The following PTPRD variants were observed in gnomAD, a reference collection of about 807,000 sequenced individuals.
PTPRD encodes the protein receptor-type tyrosine-protein phosphatase delta.
A neutral mutation model predicts 214.5 loss-of-function variants in PTPRD; 34 were observed. The ratio of observed to expected loss-of-function variants is 0.16; its 90% confidence interval spans 0.12 to 0.21. The LOEUF is 0.21. Among genes scored for constraint, PTPRD ranks in the 10% least tolerant of loss-of-function variants. The pLI is 1.00. For missense variants in PTPRD, 2,545 were observed against 2,398.7 expected (o/e 1.06, Z -1.27); for synonymous variants, 1,128 against 845.7 (o/e 1.33, Z -5.79).
intron 8 of PTPRD, among the ~76,000 whole-genome samples, chr9:9,545,400 A>G (rs934359337): frequency 4.6e-5 from 7 of 151,962 alleles, no homozygotes; most frequent in Middle Eastern, 3.4e-3. Context: ...GAATCATACA[A>G]TATGTAGCCT....
At chr9:10,484,998 AGATTT>A (rs1199955174) in intron 2 of PTPRD, among the ~76,000 whole-genome samples, 2 of 151,488 alleles carry the variant, frequency 1.3e-5, no homozygotes, top group Non-Finnish European at 2.9e-5. Flanking sequence ...TTACGGTCTT[AGATTT>A]AAGTGTTTAA....
chr9:9,413,881 G>T (rs557554538), intron 8 of PTPRD, among the ~76,000 whole-genome samples: 1 of 152,160 alleles, frequency 6.6e-6, no homozygotes, highest in Non-Finnish European at 1.5e-5. Flanking sequence ...CAGTGAGTTT[G>T]CCCTTTACAT....
intron 3 of PTPRD, among the ~76,000 whole-genome samples, chr9:10,045,396 G>A (rs2097369921): frequency 6.6e-6 from 1 of 151,550 alleles, no homozygotes; most frequent in Non-Finnish European, 1.5e-5. Flanking sequence ...TGTATAAAGT[G>A]GCTACCGTAT....
intron 2 of PTPRD, among the ~76,000 whole-genome samples, chr9:10,350,585 G>A (rs1472627829): frequency 6.6e-6 from 1 of 152,040 alleles, no homozygotes; most frequent in Non-Finnish European, 1.5e-5. Context: ...TTTTACAGAT[G>A]ATGAAACAGA....
At chr9:8,947,014 A>ATTTTT (rs143478859) in intron 11 of PTPRD, among the ~76,000 whole-genome samples, 3 of 106,930 alleles carry the variant, frequency 2.8e-5, no homozygotes, top group African/African-American at 3.7e-5. Flanking sequence ...GTCTCTCTGT[A>ATTTTT]TTTTTTTTTC....
rs1019238008 is a variant in PTPRD at position 10,141,084 on chromosome 9, T to C, written c.-544-107294A>G. On this transcript the variant is annotated intron_variant, in intron 3 of 45. Transcript: ENST00000381196. ...CTAAAAATTCTCAATAAATTAGGTATTGATGGGACGTATCTCAAAATAATA... is the reference window on the plus strand; with the variant it reads ...CTAAAAATTCTCAATAAATTAGGTACTGATGGGACGTATCTCAAAATAATA... Among the ~76,000 whole-genome samples, 415 of 152,226 alleles carry C rather than the reference T, an allele frequency of 2.7e-3. 1 individual carries two copies. Among genetic ancestry groups the C allele is most frequent in the African/African-American group, 9.3e-3 (385 of 41,550 alleles).
At chr9:9,715,671 C>T (rs879699030) in intron 7 of PTPRD, among the ~76,000 whole-genome samples, 11 of 152,022 alleles carry the variant, frequency 7.2e-5, no homozygotes, top group Non-Finnish European at 1.3e-4. Flanking sequence ...AATAATACAT[C>T]GCAGTATTAA....
At chr9:9,220,007 G>T (rs1341659231) in intron 9 of PTPRD, among the ~76,000 whole-genome samples, 4 of 152,072 alleles carry the variant, frequency 2.6e-5, no homozygotes, top group African/African-American at 9.7e-5. Flanking sequence ...GAAATAAACG[G>T]TATCATAAAA....
At chr9:9,565,837 C>T (rs1300454672) in intron 8 of PTPRD, among the ~76,000 whole-genome samples, 1 of 151,834 alleles carries the variant, frequency 6.6e-6, no homozygotes, top group East Asian at 1.9e-4. Context: ...TTAGAGCTGT[C>T]AAGGATGGAA....
At chr9:8,885,541 G>C (rs1356401976) in intron 11 of PTPRD, among the ~76,000 whole-genome samples, 2 of 141,424 alleles carry the variant, frequency 1.4e-5, no homozygotes, top group African/African-American at 2.6e-5. Flanking sequence ...TTGTCACCCA[G>C]GCTGGAGTGC....
chr9:9,495,765 T>C (rs1203464804), intron 8 of PTPRD, among the ~76,000 whole-genome samples: 3 of 152,288 alleles, frequency 2.0e-5, no homozygotes, highest in South Asian at 2.1e-4. Flanking sequence ...TCAGGACCCA[T>C]TGAGTGCAGG....
chr9:9,601,473 G>C lies in PTPRD; in HGVS notation c.-286-26692C>G, dbSNP rs541252846. Reference sequence around the variant, plus strand: ...TAAACATATAAACAATACATGATTAGAGCCAGATCATAGATAGAGTCACTG... The same window carrying C: ...TAAACATATAAACAATACATGATTACAGCCAGATCATAGATAGAGTCACTG... On this transcript the variant is annotated intron_variant, in intron 7 of 45. Transcript: ENST00000381196. Among the ~76,000 whole-genome samples, 135 of 152,112 alleles carry C rather than the reference G, an allele frequency of 8.9e-4. 1 individual carries two copies. The highest frequency in any genetic ancestry group is 1.2e-3 in the Non-Finnish European group (80 of 67,982).
At chr9:9,149,008 G>C (rs1173222512) in intron 10 of PTPRD, among the ~76,000 whole-genome samples, 3 of 152,192 alleles carry the variant, frequency 2.0e-5, no homozygotes, top group Non-Finnish European at 4.4e-5. Context: ...TTTCCAAAGA[G>C]CATTGTAAAC....
chr9:9,593,360 T>C (rs978754945), intron 7 of PTPRD, among the ~76,000 whole-genome samples: 1 of 151,854 alleles, frequency 6.6e-6, no homozygotes, highest in African/African-American at 2.4e-5. Flanking sequence ...AATATTTGTA[T>C]GTACATGTGT....
chr9:8,984,038 G>A (rs560868875), intron 11 of PTPRD, among the ~76,000 whole-genome samples: 6 of 151,956 alleles, frequency 3.9e-5, no homozygotes, highest in South Asian at 2.1e-4. Flanking sequence ...ATACTATAAC[G>A]TATATTTAGT....
chr9:10,179,179 G>T (rs1377318357), intron 3 of PTPRD, among the ~76,000 whole-genome samples: 5 of 151,982 alleles, frequency 3.3e-5, no homozygotes, highest in Non-Finnish European at 7.4e-5. Flanking sequence ...AGTGGATGCA[G>T]CAAGACACTA....
intron 39 of PTPRD, among the ~76,000 whole-genome samples, chr9:8,361,709 G>A (rs1386585947): frequency 6.6e-6 from 1 of 152,180 alleles, no homozygotes; most frequent in Non-Finnish European, 1.5e-5. Context: ...TGCCTGGAAT[G>A]TTGATAATTG....
chr9:8,331,479 C>A, intron 44 of PTPRD, 103 bp downstream of exon 44: 7 of 1,343,158 alleles, frequency 5.2e-6, no homozygotes, highest in South Asian at 2.8e-5. Context: ...AATACATTGC[C>A]AAGAATAAAA....
intron 11 of PTPRD, among the ~76,000 whole-genome samples, chr9:8,923,553 T>C (rs2098843215): frequency 6.6e-6 from 1 of 152,132 alleles, no homozygotes; most frequent in South Asian, 2.1e-4. Flanking sequence ...CAGCAAGACG[T>C]ACAGAATGCT....
Sources: allele counts gnomAD v4.1 joint callset (sites outside exome capture counted in the v4.1 genomes callset), GRCh38; gene constraint gnomAD v4.1.1; transcripts MANE v1.5; gene names NCBI Gene and HGNC (gene_info 2026-07-23, HGNC 2026-07-21).